IRAK3: variants seen among roughly 807,000 people sequenced by gnomAD.
The protein encoded by IRAK3 is interleukin-1 receptor-associated kinase 3.
IRAK3 carries 57 observed loss-of-function variants against 56.6 expected under a neutral mutation model. That is an observed-to-expected ratio of 1.01 (90% confidence interval 0.81 to 1.26). The LOEUF (loss-of-function observed/expected upper bound fraction) is 1.26. Among genes scored for constraint, IRAK3 ranks in the 50% most tolerant of loss-of-function variants. The probability of loss-of-function intolerance (pLI) is 0.00; values close to 1 mark genes in which losing one functional copy is unlikely to be tolerated. For missense variants in IRAK3, 703 were observed against 719.0 expected (o/e 0.98, Z 0.25); for synonymous variants, 258 against 255.7 (o/e 1.01, Z -0.09).
intron 2 of IRAK3, 91 bp downstream of exon 2, chr12:66,203,984 C>CACAGA: frequency 8.8e-7 from 1 of 1,140,942 alleles, no homozygotes; most frequent in Non-Finnish European, 1.3e-6. Flanking sequence ...AAGACATTGA[C>CACAGA]TCATGCTCTG....
chr12:66,228,550 T>A (rs898052980), intron 8 of IRAK3, among the ~76,000 whole-genome samples, 180 bp downstream of exon 8: 1 of 152,214 alleles, frequency 6.6e-6, no homozygotes, highest in Non-Finnish European at 1.5e-5. Context: ...CTACCAAATT[T>A]AAAAAGCTAT....
In IRAK3 at chr12:66,247,919, G is replaced by A. The variant is rs777458740; in HGVS notation, c.1539G>A (p.Glu513=). 6.2e-6 allele frequency: 10 copies of A among 1,614,198 alleles called. No homozygotes were observed. Among genetic ancestry groups the A allele is most frequent in the South Asian group, 5.5e-5 (5 of 91,078 alleles). ...QKTPFECSQS[E]VMFLSLDKKP... is the part of the protein sequence containing the mutation. ...CTCCTTTTGAATGCAGCCAGTCTGAGGTTATGTTTCTGAGCTTGGACAAAA... is the reference window on the plus strand; with the variant it reads ...CTCCTTTTGAATGCAGCCAGTCTGAAGTTATGTTTCTGAGCTTGGACAAAA... Residue 513 remains glutamate (E), a synonymous_variant, in exon 12 of 12, where the codon GAG becomes GAA. Coordinates refer to ENST00000261233, the MANE Select transcript of IRAK3 (RefSeq NM_007199.3).
In IRAK3 at chr12:66,254,471, G is replaced by A. The variant is rs1350353924; in HGVS notation, c.*6300G>A. On this transcript the variant is annotated 3_prime_UTR_variant, in exon 12 of 12. Coordinates refer to ENST00000261233, the MANE Select transcript of IRAK3 (RefSeq NM_007199.3). ...ATTTTAAGATAATGTATGTTTCATA[G>A]AGAGATCTTCACCAAATGTTAAGGA... The A allele has an allele frequency of 1.3e-5, 2 of 151,820 alleles. No individual in the cohort carries two copies. The highest frequency in any genetic ancestry group is 4.8e-5 in the African/African-American group (2 of 41,332). 9.4% of individuals were successfully genotyped at this position (151,820 alleles called of 1,614,324 possible).
At chr12:66,239,312 T>TTG (rs72025996) in intron 8 of IRAK3, among the ~76,000 whole-genome samples, 1 of 151,754 alleles carries the variant, frequency 6.6e-6, no homozygotes, top group Non-Finnish European at 1.5e-5. Flanking sequence ...TTTTTTTTTT[T>TTG]TAATGGAAAT....
intron 7 of IRAK3, among the ~76,000 whole-genome samples, 182 bp downstream of exon 7, chr12:66,227,019 T>C (rs1037572784): frequency 6.6e-6 from 1 of 152,212 alleles, no homozygotes; most frequent in Non-Finnish European, 1.5e-5. Context: ...GCTGAGCAAA[T>C]ACCTGAGTTA....
At chr12:66,202,725 A>T (rs2052520856) in intron 1 of IRAK3, among the ~76,000 whole-genome samples, 2 of 151,972 alleles carry the variant, frequency 1.3e-5, no homozygotes, top group Non-Finnish European at 2.9e-5. Flanking sequence ...GGATTGCTTG[A>T]GCCTGGGAGA....
intron 1 of IRAK3, chr12:66,198,119 C>T (rs1299132239): frequency 3.4e-5 from 33 of 983,722 alleles, no homozygotes; most frequent in Non-Finnish European, 4.0e-5. Flanking sequence ...TATTGCCACC[C>T]GATGCATCTT....
intron 5 of IRAK3, among the ~76,000 whole-genome samples, chr12:66,216,355 T>G (rs2052676926): frequency 6.6e-6 from 1 of 152,228 alleles, no homozygotes; most frequent in African/African-American, 2.4e-5. Flanking sequence ...TGTTTCTGAC[T>G]TCCTAGTTCA....
Position 66,227,000 on chromosome 12 carries a change from T to C in IRAK3, c.768+163T>C, listed in dbSNP as rs568568719. 1.1e-4 allele frequency among the ~76,000 whole-genome samples: 17 copies of C among 152,264 alleles called. No homozygotes were observed. In the South Asian group the frequency reaches 2.3e-3, roughly 20 times the overall value. Reference sequence around the variant, plus strand: ...AGTACTTCTTGGATTAATTTCTTACTTTTAGAAGGCTGAGCAAATACCTGA... The same window carrying C: ...AGTACTTCTTGGATTAATTTCTTACCTTTAGAAGGCTGAGCAAATACCTGA... On this transcript the variant is annotated intron_variant, in intron 7 of 11. Coordinates refer to ENST00000261233, the MANE Select transcript of IRAK3 (RefSeq NM_007199.3).
intron 9 of IRAK3, 65 bp downstream of exon 9, chr12:66,244,749 T>A (rs144483618): frequency 2.3e-5 from 33 of 1,441,586 alleles, no homozygotes; most frequent in Non-Finnish European, 3.1e-5. Flanking sequence ...ATTCTAAGAA[T>A]TTTTTAAAGA....
At position 66,203,861 on chromosome 12, in the gene IRAK3, A is replaced by G. The variant is rs1168151857; in HGVS notation, c.284A>G (p.His95Arg). The G allele has an allele frequency of 2.5e-6, 4 of 1,613,896 alleles. No homozygotes were observed. The highest frequency in any genetic ancestry group is 1.3e-5 in the African/African-American group (1 of 74,952). Residue 95 changes from histidine (H) to arginine (R), a missense_variant, in exon 2 of 12, where the codon CAT becomes CGT. Coordinates refer to ENST00000261233, the MANE Select transcript of IRAK3 (RefSeq NM_007199.3). ...TTACAGGTCCTCCAGGAGATGGGAC[A>G]TCGTCGAGCTATTCATTTAATTACA... ...DLLQVLQEMGHRRAIHLITNY... is the reference protein window; with the variant it reads ...DLLQVLQEMGRRRAIHLITNY...
intron 2 of IRAK3, among the ~76,000 whole-genome samples, chr12:66,206,329 A>ACATT (rs2052557827): frequency 6.6e-6 from 1 of 152,160 alleles, no homozygotes; most frequent in East Asian, 1.9e-4. Flanking sequence ...TAAGGGTAAA[A>ACATT]CATTCAGTCT....
At chr12:66,199,988 G>C (rs1402912204) in intron 1 of IRAK3, among the ~76,000 whole-genome samples, 2 of 152,174 alleles carry the variant, frequency 1.3e-5, no homozygotes, top group African/African-American at 4.8e-5. Flanking sequence ...ATTCTTGCCA[G>C]AACTTGAAAT....
At chr12:66,200,104 C>T (rs530985564) in intron 1 of IRAK3, among the ~76,000 whole-genome samples, 4 of 152,316 alleles carry the variant, frequency 2.6e-5, no homozygotes, top group East Asian at 3.9e-4. Context: ...AATGTCTCAA[C>T]TTTATCTTCT....
intron 8 of IRAK3, among the ~76,000 whole-genome samples, chr12:66,230,551 G>A (rs182487174): frequency 4.4e-3 from 673 of 152,268 alleles, no homozygotes; most frequent in Non-Finnish European, 7.3e-3. Flanking sequence ...GGGTGAGGCA[G>A]CTCCCTTCTA....
At chr12:66,239,685 T>G (rs1262581316) in intron 8 of IRAK3, among the ~76,000 whole-genome samples, 2 of 152,220 alleles carry the variant, frequency 1.3e-5, no homozygotes, top group Non-Finnish European at 2.9e-5. Flanking sequence ...TCCTCAGATT[T>G]TTCCTGTTTT....
chr12:66,235,128 A>C, intron 8 of IRAK3: 1 of 1,613,686 alleles, frequency 6.2e-7, no homozygotes, highest in Non-Finnish European at 8.5e-7. Flanking sequence ...AGCTGATCCC[A>C]TCCTGAGTTG....
At chr12:66,212,078 T>A (rs2052618143) in intron 5 of IRAK3, among the ~76,000 whole-genome samples, 1 of 143,946 alleles carries the variant, frequency 6.9e-6, no homozygotes, top group Non-Finnish European at 1.5e-5. Flanking sequence ...ACCACTGCAC[T>A]CCAGCCTGGG....
chr12:66,246,539 C>T (rs1312381364), intron 11 of IRAK3, among the ~76,000 whole-genome samples: 1 of 152,184 alleles, frequency 6.6e-6, no homozygotes, highest in African/African-American at 2.4e-5. Flanking sequence ...TTGTGTGGAG[C>T]CAAGGGCTCA....
Sources: gnomAD v4.1 joint callset for allele counts (sites outside exome capture counted in the v4.1 genomes callset) on GRCh38, gnomAD v4.1.1 for gene constraint, MANE v1.5 for transcripts, NCBI Gene and HGNC (gene_info 2026-07-23, HGNC 2026-07-21) for gene names.